Variants in PCDH15 observed in about 807,000 individuals in gnomAD.
PCDH15 encodes the protein protocadherin-15.
A neutral mutation model predicts 178.5 loss-of-function variants in PCDH15; 129 were observed. The ratio of observed to expected loss-of-function variants is 0.72; its 90% CI spans 0.63 to 0.84. PCDH15 has a LOEUF of 0.84. PCDH15 is among the 40% of genes least tolerant of loss of function. The pLI is 0.00. For missense variants in PCDH15, 2,230 were observed against 2,099.9 expected (o/e 1.06, Z -1.21); for synonymous variants, 800 against 732.0 (o/e 1.09, Z -1.50).
chr10:55,335,231 G>T (rs1248910989), intron 2 of PCDH15, among the ~76,000 whole-genome samples: 4 of 152,086 alleles, frequency 2.6e-5, no homozygotes, highest in African/African-American at 7.2e-5. Context: ...GCCTCCAAGG[G>T]TATGGTACTA....
At chr10:54,533,959 T>G (rs2132790440) in intron 2 of PCDH15, among the ~76,000 whole-genome samples, 1 of 152,008 alleles carries the variant, frequency 6.6e-6, no homozygotes, top group African/African-American at 2.4e-5. Context: ...TTTTAATAGT[T>G]GTATAATATT....
intron 1 of PCDH15, among the ~76,000 whole-genome samples, chr10:54,769,582 G>A (rs916204299): frequency 2.0e-5 from 3 of 151,768 alleles, no homozygotes; most frequent in African/African-American, 4.8e-5. Flanking sequence ...ATCCCAAAAT[G>A]TGATATATTT....
intron 2 of PCDH15, among the ~76,000 whole-genome samples, chr10:54,983,122 C>A (rs1839282470): frequency 6.6e-6 from 1 of 152,140 alleles, no homozygotes; most frequent in Middle Eastern, 3.4e-3. Flanking sequence ...CAATGAAAAG[C>A]CTATTCAAAT....
intron 3 of PCDH15, among the ~76,000 whole-genome samples, chr10:54,385,254 C>G (rs1949776076): frequency 6.6e-6 from 1 of 151,958 alleles, no homozygotes; most frequent in Admixed American, 6.6e-5. Context: ...GTTTTCTCAC[C>G]TATAAAATCA....
chr10:53,892,943 A>G (rs1009032310), intron 26 of PCDH15, among the ~76,000 whole-genome samples: 8 of 152,338 alleles, frequency 5.3e-5, no homozygotes, highest in Admixed American at 5.2e-4. Context: ...AGTATTTTCT[A>G]AAAATATATG....
At chr10:54,300,303 C>T (rs1291656698) in intron 8 of PCDH15, among the ~76,000 whole-genome samples, 4 of 152,174 alleles carry the variant, frequency 2.6e-5, no homozygotes, top group South Asian at 2.1e-4. Context: ...TTTCTAGGTC[C>T]GGTAGCAGCC....
At chr10:54,000,286 C>A (rs1222939407) in intron 20 of PCDH15, among the ~76,000 whole-genome samples, 3 of 152,034 alleles carry the variant, frequency 2.0e-5, no homozygotes, top group African/African-American at 7.2e-5. Context: ...GACAAACATC[C>A]ACAAGCATCA....
chr10:54,035,933 T>A (rs2093406733), intron 18 of PCDH15, among the ~76,000 whole-genome samples: 1 of 151,872 alleles, frequency 6.6e-6, no homozygotes, highest in Admixed American at 6.6e-5. Context: ...GAAGCTGATG[T>A]GAAGAAAGTT....
chr10:54,406,695 C>T (rs777794387), intron 3 of PCDH15, among the ~76,000 whole-genome samples: 1 of 152,052 alleles, frequency 6.6e-6, no homozygotes, highest in Non-Finnish European at 1.5e-5. Context: ...GCTAGGACAA[C>T]TGGGTATCCA....
intron 15 of PCDH15, among the ~76,000 whole-genome samples, chr10:54,123,294 A>C (rs777780143): frequency 2.0e-5 from 3 of 152,182 alleles, no homozygotes; most frequent in Non-Finnish European, 4.4e-5. Context: ...TTATATTCAC[A>C]ATCTACAAGT....
chr10:54,450,207 A>G (rs2076389539), intron 3 of PCDH15, among the ~76,000 whole-genome samples: 1 of 149,038 alleles, frequency 6.7e-6, no homozygotes, highest in African/African-American at 2.5e-5. Flanking sequence ...GGTTTGTTAC[A>G]TATGCATACA....
chr10:54,305,852 G>A (rs2060435535), intron 8 of PCDH15, among the ~76,000 whole-genome samples: 2 of 151,844 alleles, frequency 1.3e-5, no homozygotes, highest in Admixed American at 6.6e-5. Context: ...GGCACACAAA[G>A]ACATTTCACC....
intron 21 of PCDH15, among the ~76,000 whole-genome samples, chr10:53,994,203 G>A (rs2091704054): frequency 6.6e-6 from 1 of 152,170 alleles, no homozygotes; most frequent in Non-Finnish European, 1.5e-5. Context: ...TACCAAAGGG[G>A]AAGTAATAAA....
chr10:55,607,099 A>G (rs1843238422), intron 2 of PCDH15, among the ~76,000 whole-genome samples: 2 of 152,232 alleles, frequency 1.3e-5, no homozygotes, highest in African/African-American at 2.4e-5. Flanking sequence ...ATATGAACAT[A>G]CATTTCTCAA....
intron 3 of PCDH15, among the ~76,000 whole-genome samples, chr10:54,421,963 A>G (rs1294899394): frequency 1.4e-5 from 2 of 141,710 alleles, no homozygotes; most frequent in South Asian, 2.2e-4. Flanking sequence ...ATATATATAT[A>G]TTTAGGGAGG....
chr10:54,871,381 A>G (rs1229896332), intron 3 of PCDH15, among the ~76,000 whole-genome samples: 2 of 151,894 alleles, frequency 1.3e-5, no homozygotes, highest in African/African-American at 4.8e-5. Flanking sequence ...CTCAGAAATA[A>G]GCTACTTGAA....
At chr10:54,896,799 A>AATGC (rs1469873682) in intron 3 of PCDH15, among the ~76,000 whole-genome samples, 2 of 151,966 alleles carry the variant, frequency 1.3e-5, no homozygotes, top group East Asian at 3.8e-4. Context: ...TTCGTTGTTA[A>AATGC]ATGCAATATT....
At position 54,433,994 on chromosome 10, in the gene PCDH15, C is replaced by T. The variant is rs369649758; in HGVS notation, c.158-55052G>A. Among the ~76,000 whole-genome samples the T allele has an allele frequency of 3.8e-4, 58 of 152,152 alleles. 1 individual carries two copies. Among genetic ancestry groups the T allele is most frequent in the African/African-American group, 1.2e-3 (49 of 41,490 alleles). ...ACCTTTCATTGGGACGAGACGTGGA[C>T]GTGGAAGACAGCGATATAGATCCAC... On this transcript the variant is annotated intron_variant, in intron 3 of 37. Transcript: ENST00000644397.
At chr10:55,548,915 T>A (rs1400274231) in intron 2 of PCDH15, among the ~76,000 whole-genome samples, 1 of 152,126 alleles carries the variant, frequency 6.6e-6, no homozygotes, top group Admixed American at 6.6e-5. Flanking sequence ...GATAAAGTGC[T>A]TTAAAAAAGA....
Sources: allele counts gnomAD v4.1 joint callset (sites outside exome capture counted in the v4.1 genomes callset), GRCh38; gene constraint gnomAD v4.1.1; transcripts MANE v1.5; gene names NCBI Gene and HGNC (gene_info 2026-07-23, HGNC 2026-07-21).